Variants in REL observed in about 807,000 individuals in gnomAD.
REL encodes proto-oncogene c-Rel.
In REL, 15 loss-of-function variants were observed where a neutral mutation model predicts 45.9. The ratio of observed to expected loss-of-function variants is 0.33; its 90% CI spans 0.22 to 0.50. REL has a LOEUF of 0.50. REL is among the 20% of genes least tolerant of loss of function. REL has a pLI of 0.98. For synonymous variants in REL, 239 were observed against 242.1 expected, an observed-to-expected ratio of 0.99 and a Z score of 0.12; for missense variants, 601 against 715.2, an observed-to-expected ratio of 0.84 and a Z score of 1.82.
At chr2:60,909,447 G>C (rs1438520051) in intron 4 of REL, among the ~76,000 whole-genome samples, 1 of 151,336 alleles carries the variant, frequency 6.6e-6, no homozygotes, top group African/African-American at 2.4e-5. Context: ...GTGAGACTTA[G>C]TTCATTTTTT....
rs1224754958 is a variant in REL, at chr2:60,922,595, A to G, written c.*60A>G. 3.4e-6 allele frequency: 5 copies of G among 1,471,112 alleles called. No individual in the cohort carries two copies. The highest frequency in any genetic ancestry group is 1.4e-5 in the South Asian group (1 of 73,034). The allele number at this position is 1,471,112 out of a possible 1,614,324, so 91.1% of individuals were successfully genotyped here. On this transcript the variant is annotated 3_prime_UTR_variant, in exon 10 of 10. Transcript: ENST00000394479. ...CACCTATATAGATGCAGCATTTTGT[A>G]TTTGTCTAACTGGGGATATAATACT...
At position 60,930,470 on chromosome 2, in the gene REL, A is replaced by G. The variant is rs1423993527; in HGVS notation, c.*7935A>G. On this transcript the variant is annotated 3_prime_UTR_variant, in exon 10 of 10. Transcript: ENST00000394479. ...TAGGTGACTAATCAGAGATAAATGTATGGGTTGTCTGTATCTAGTTTTATG... is the reference window on the plus strand; with the variant it reads ...TAGGTGACTAATCAGAGATAAATGTGTGGGTTGTCTGTATCTAGTTTTATG... The G allele has an allele frequency of 6.6e-6, 1 of 152,348 alleles. No individual in the cohort carries two copies. Among genetic ancestry groups the G allele is most frequent in the Non-Finnish European group, 1.5e-5 (1 of 68,026 alleles). The allele number at this position is 152,348 out of a possible 1,614,324, so 9.4% of individuals were successfully genotyped here.
chr2:60,925,910 C>A lies in REL; in HGVS notation c.*3375C>A. 4.5e-6 allele frequency: 1 copy of A among 224,434 alleles called. No homozygotes were observed. The highest frequency in any genetic ancestry group is 8.9e-6 in the Non-Finnish European group (1 of 112,328). The allele number at this position is 224,434 out of a possible 1,614,324, so 13.9% of individuals were successfully genotyped here. ...ACTAAATAAGTGTTGGCTAGTTTTG[C>A]GGTGTAAGCAGAATTAAGGTTCTGC... On this transcript the variant is annotated 3_prime_UTR_variant, in exon 10 of 10. Coordinates refer to ENST00000394479, the MANE Select transcript of REL (RefSeq NM_001291746.2).
At position 60,918,613 on chromosome 2, in the gene REL, C is replaced by T; in HGVS notation, c.853+7C>T. 2 of 1,584,048 alleles carry T rather than the reference C, an allele frequency of 1.3e-6. No individual in the cohort carries two copies. The highest frequency in any genetic ancestry group is 1.7e-6 in the Non-Finnish European group (2 of 1,152,800). ...TATCTGCCAGATGAAAAAGGTATGA[C>T]ATTTTGCTGGTAATAATTTATATAT... On this transcript the variant is annotated splice_region_variant and intron_variant, in intron 7 of 9. Coordinates refer to ENST00000394479, the MANE Select transcript of REL (RefSeq NM_001291746.2).
At position 60,917,586 on chromosome 2, in the gene REL, G is replaced by A. The variant is rs185621715; in HGVS notation, c.535+569G>A. Reference sequence around the variant, plus strand: ...ACTCTGTCACCCAGGCTGGAGTGCAGTGGTGCAGTCATGGCTCACTGCATG... The same window carrying A: ...ACTCTGTCACCCAGGCTGGAGTGCAATGGTGCAGTCATGGCTCACTGCATG... On this transcript the variant is annotated intron_variant, in intron 5 of 9. Transcript: ENST00000394479. Among the ~76,000 whole-genome samples the A allele has an allele frequency of 3.1e-3, 444 of 144,402 alleles. 4 individuals are homozygous for A. Among genetic ancestry groups the A allele is most frequent in the African/African-American group, 0.011 (425 of 38,940 alleles). The allele number at this position is 144,402 out of a possible 152,430, so 94.7% of individuals were successfully genotyped here. A position where few individuals can be genotyped will look rare whatever the true frequency, so the allele number is the denominator to read the frequency against.
In REL at chr2:60,925,103, G is replaced by C. The variant is rs567177909; in HGVS notation, c.*2568G>C. On this transcript the variant is annotated 3_prime_UTR_variant, in exon 10 of 10. Transcript: ENST00000394479. ...TATTATTACAGATTAAAGTTGGGCA[G>C]TAATCTTAATTATGATGGAATTATC... is the stretch of plus-strand genomic sequence containing the variant. 1.0e-5 allele frequency: 2 copies of C among 198,374 alleles called. No individual in the cohort carries two copies. The highest frequency in any genetic ancestry group is 4.6e-5 in the African/African-American group (2 of 43,472). The allele number at this position is 198,374 out of a possible 1,614,324, so 12.3% of individuals were successfully genotyped here.
intron 2 of REL, 93 bp downstream of exon 2, chr2:60,891,918 A>G: frequency 8.2e-7 from 1 of 1,217,708 alleles, no homozygotes; most frequent in Non-Finnish European, 1.1e-6. Flanking sequence ...CTTCACAGTC[A>G]TCTCCACAGG....
At chr2:60,917,700 G>GTGTC in intron 5 of REL, among the ~76,000 whole-genome samples, 1 of 149,922 alleles carries the variant, frequency 6.7e-6, no homozygotes, top group Middle Eastern at 3.4e-3. Flanking sequence ...GTGTGTGTGT[G>GTGTC]TGTGTGTGTG....
At chr2:60,892,353 G>A (rs35553281) in intron 2 of REL, among the ~76,000 whole-genome samples, 19 of 152,214 alleles carry the variant, frequency 1.2e-4, no homozygotes, top group African/African-American at 4.6e-4. Flanking sequence ...TTTCACATTA[G>A]CATAAATTTT....
rs894554457 is a variant in REL, at chr2:60,881,601, C to T, written c.-240C>T. ...TCGGCTCTCCCCGCTCCGCCCCCTG[C>T]CCCTGGCTCCCGTACGGTGGACGGC... On this transcript the variant is annotated 5_prime_UTR_variant, in exon 1 of 10. Transcript: ENST00000394479. 3.0e-5 allele frequency: 15 copies of T among 502,140 alleles called. No individual in the cohort carries two copies. In the East Asian group the frequency reaches 4.6e-4, roughly 15 times the overall value. The allele number at this position is 502,140 out of a possible 1,614,324, so 31.1% of individuals were successfully genotyped here. A position where few individuals can be genotyped will look rare whatever the true frequency, so the allele number is the denominator to read the frequency against.
At chr2:60,913,619 TA>T (rs925803947) in intron 4 of REL, among the ~76,000 whole-genome samples, 3 of 152,184 alleles carry the variant, frequency 2.0e-5, no homozygotes, top group African/African-American at 4.8e-5. Flanking sequence ...TTTTTCCCTA[TA>T]GTTTATTGAG....
chr2:60,911,994 CAA>C (rs763342298), intron 4 of REL, among the ~76,000 whole-genome samples: 19 of 37,322 alleles, frequency 5.1e-4, no homozygotes, highest in African/African-American at 1.2e-3. Flanking sequence ...AAGACTGTCT[CAA>C]AAAAAAAAAA....
intron 4 of REL, among the ~76,000 whole-genome samples, chr2:60,903,959 G>T (rs1008638846): frequency 6.6e-6 from 1 of 152,162 alleles, no homozygotes; most frequent in African/African-American, 2.4e-5. Context: ...GAGCCACTGG[G>T]CCCGACTCAG....
At chr2:60,882,482 C>G (rs1672966067) in intron 1 of REL, among the ~76,000 whole-genome samples, 1 of 152,112 alleles carries the variant, frequency 6.6e-6, no homozygotes, top group Non-Finnish European at 1.5e-5. Flanking sequence ...TGAGACCAGC[C>G]TGGCAAACAT....
At chr2:60,919,791 G>A (rs903910228) in intron 7 of REL, among the ~76,000 whole-genome samples, 1 of 151,692 alleles carries the variant, frequency 6.6e-6, no homozygotes, top group Non-Finnish European at 1.5e-5. Flanking sequence ...AAACTCCTGC[G>A]CTCAAGTGAT....
In REL at chr2:60,918,767, C is replaced by T. The variant is rs548301590; in HGVS notation, c.853+161C>T. 2.6e-5 allele frequency among the ~76,000 whole-genome samples: 4 copies of T among 151,988 alleles called. No homozygotes were observed. In the South Asian group the frequency reaches 8.3e-4, roughly 32 times the overall value. On this transcript the variant is annotated intron_variant, in intron 7 of 9. Coordinates refer to ENST00000394479, the MANE Select transcript of REL (RefSeq NM_001291746.2). ...TTTTTTCTTTATGCTCTTTGCATCT[C>T]TTTATTTGTTGGGTTGTTTTTTGTT... is the stretch of plus-strand genomic sequence containing the variant.
intron 4 of REL, among the ~76,000 whole-genome samples, chr2:60,901,715 C>T (rs1673503003): frequency 6.6e-6 from 1 of 152,140 alleles, no homozygotes; most frequent in African/African-American, 2.4e-5. Context: ...ACACTCCCCC[C>T]TTTTGAGTGT....
intron 3 of REL, among the ~76,000 whole-genome samples, chr2:60,896,609 A>G (rs1160401522): frequency 1.3e-5 from 2 of 152,242 alleles, no homozygotes; most frequent in African/African-American, 4.8e-5. Context: ...TCCTCTTACA[A>G]TAATAACACA....
intron 2 of REL, 139 bp downstream of exon 2, chr2:60,891,964 G>C: frequency 1.3e-6 from 1 of 796,852 alleles, no homozygotes. Flanking sequence ...TTTTTTAAAC[G>C]GATCTGTCAA....
Sources: gnomAD v4.1 joint callset for allele counts (sites outside exome capture counted in the v4.1 genomes callset) on GRCh38, gnomAD v4.1.1 for gene constraint, MANE v1.5 for transcripts, NCBI Gene and HGNC (gene_info 2026-07-23, HGNC 2026-07-21) for gene names.